The following HSF1 variants were observed in gnomAD, a reference collection of about 807,000 sequenced individuals.
HSF1 encodes heat shock transcription factor 1, also known as heat shock factor protein 1.
HSF1 carries 32 observed loss-of-function variants against 51.7 expected under a neutral mutation model. The ratio of observed to expected loss-of-function variants is 0.62; its 90% confidence interval spans 0.47 to 0.83. The LOEUF (loss-of-function observed/expected upper bound fraction) is 0.83. Among genes scored for constraint, HSF1 ranks in the 40% least tolerant of loss-of-function variants. HSF1 has a pLI of 0.00. For synonymous variants in HSF1, 396 were observed against 309.7 expected (o/e 1.28, Z -2.92); for missense variants, 727 against 717.0 (o/e 1.01, Z -0.16).
At chr8:144,306,882 C>T (rs868986720) in intron 1 of HSF1, among the ~76,000 whole-genome samples, 1 of 152,208 alleles carries the variant, frequency 6.6e-6, no homozygotes, top group Non-Finnish European at 1.5e-5. Context: ...TTCTTGAATG[C>T]CTGGGGCCAG....
Position 144,314,072 on chromosome 8 carries a change from G to A in HSF1, c.1384+18G>A, listed in dbSNP as rs782402361. Reference sequence around the variant, plus strand: ...GGATTCAGGTGAGCCAAGTCCCACCGGCCCCACCTCTGCCCCCAACCCCCC... The same window carrying A: ...GGATTCAGGTGAGCCAAGTCCCACCAGCCCCACCTCTGCCCCCAACCCCCC... On this transcript the variant is annotated intron_variant, in intron 12 of 12. Transcript: ENST00000528838. The A allele has an allele frequency of 9.3e-6, 14 of 1,510,434 alleles. No homozygotes were observed. The Admixed American group carries it at 1.9e-4, about 21-fold the overall frequency. The allele number at this position is 1,510,434 out of a possible 1,614,324, so 93.6% of individuals were successfully genotyped here. A position where few individuals can be genotyped will look rare whatever the true frequency, so the allele number is the denominator to read the frequency against.
chr8:144,311,413 C>T (rs782181258), intron 6 of HSF1, 31 bp downstream of exon 6: 7 of 1,613,074 alleles, frequency 4.3e-6, no homozygotes, highest in Middle Eastern at 1.7e-4. Context: ...GCATCCACCA[C>T]CCGGGGCCCA....
intron 1 of HSF1, among the ~76,000 whole-genome samples, chr8:144,296,525 G>A (rs989694767): frequency 2.0e-5 from 3 of 152,168 alleles, no homozygotes; most frequent in African/African-American, 7.2e-5. Context: ...GGGGCTGGTC[G>A]TGGTGGCTCA....
intron 1 of HSF1, among the ~76,000 whole-genome samples, chr8:144,304,032 T>A (rs1816061337): frequency 6.6e-6 from 1 of 152,222 alleles, no homozygotes; most frequent in Admixed American, 6.5e-5. Context: ...CCCTGGCTTC[T>A]TGGCCACGTG....
Position 144,314,486 on chromosome 8 carries a change from C to A in HSF1, c.*156C>A, listed in dbSNP as rs1474069525. The A allele has an allele frequency of 7.7e-6, 5 of 649,150 alleles. No individual in the cohort carries two copies. Among genetic ancestry groups the A allele is most frequent in the African/African-American group, 7.3e-5 (4 of 54,706 alleles). 40.2% of individuals were successfully genotyped at this position (649,150 alleles called of 1,614,324 possible). A position where few individuals can be genotyped will look rare whatever the true frequency, so the allele number is the denominator to read the frequency against. ...CTCGGGTCTGGGCAGCACCTCTGGTCAGGAGGGTCACCCTGGCCTGCCAGT... is the reference window on the plus strand; with the variant it reads ...CTCGGGTCTGGGCAGCACCTCTGGTAAGGAGGGTCACCCTGGCCTGCCAGT... On this transcript the variant is annotated 3_prime_UTR_variant, in exon 13 of 13. Coordinates refer to ENST00000528838, the MANE Select transcript of HSF1 (RefSeq NM_005526.4).
chr8:144,310,510 C>T (rs1223064571), intron 4 of HSF1: 1 of 155,822 alleles, frequency 6.4e-6, no homozygotes, highest in African/African-American at 2.4e-5. Flanking sequence ...GCAGCAGGCG[C>T]TCTTGACCCC....
At chr8:144,311,675 A>C in intron 7 of HSF1, 25 bp from the exon 8 acceptor site, 1 of 1,610,390 alleles carries the variant, frequency 6.2e-7, no homozygotes, top group Non-Finnish European at 8.5e-7. Context: ...CCGGCACTGC[A>C]TGGACCTCCT....
intron 9 of HSF1, 38 bp downstream of exon 9, chr8:144,312,282 T>C: frequency 8.5e-7 from 1 of 1,179,898 alleles, no homozygotes; most frequent in African/African-American, 1.7e-5. Flanking sequence ...CCACAGCGCC[T>C]GGACGCACAG....
In HSF1 at chr8:144,311,753, C is replaced by G; in HGVS notation, c.777C>G (p.Ala259=). Residue 259 remains alanine, a synonymous_variant, in exon 8 of 13, where the codon GCC becomes GCG. Transcript: ENST00000528838. Reference sequence around the variant, plus strand: ...GCCTCTACGCCCCTGATGCTGTGGCCAGCTCTGGACCCATCATCTCCGACA... The same window carrying G: ...GCCTCTACGCCCCTGATGCTGTGGCGAGCTCTGGACCCATCATCTCCGACA... ...SSSLYAPDAV[A]SSGPIISDIT... 1 of 1,612,846 alleles carries G rather than the reference C, an allele frequency of 6.2e-7. No individual in the cohort carries two copies. The highest frequency in any genetic ancestry group is 8.5e-7 in the Non-Finnish European group (1 of 1,179,722).
intron 1 of HSF1, among the ~76,000 whole-genome samples, chr8:144,303,690 C>T (rs1237427784): frequency 6.6e-6 from 1 of 152,112 alleles, no homozygotes; most frequent in African/African-American, 2.4e-5. Flanking sequence ...CCAGCCTGAC[C>T]AACCTGGTGA....
At chr8:144,303,602 G>T (rs1417274626) in intron 1 of HSF1, among the ~76,000 whole-genome samples, 2 of 152,186 alleles carry the variant, frequency 1.3e-5, no homozygotes, top group African/African-American at 4.8e-5. Context: ...TTAAGGCCAG[G>T]CACAGTGGCT....
chr8:144,295,293 G>C (rs1399006307), intron 1 of HSF1, among the ~76,000 whole-genome samples: 1 of 152,216 alleles, frequency 6.6e-6, no homozygotes, highest in Non-Finnish European at 1.5e-5. Context: ...CATCATCCCA[G>C]TTTTTTACAA....
At chr8:144,301,524 A>G (rs184043703) in intron 1 of HSF1, among the ~76,000 whole-genome samples, 5 of 152,370 alleles carry the variant, frequency 3.3e-5, no homozygotes, top group East Asian at 3.9e-4. Context: ...ATCAAGGTAC[A>G]TTATATAATC....
rs370903885 is a variant in HSF1, at chr8:144,311,475, G to A, written c.627-30G>A. 12 of 1,612,548 alleles carry A rather than the reference G, an allele frequency of 7.4e-6. No homozygotes were observed. In the African/African-American group the frequency reaches 1.5e-4, roughly 20 times the overall value. The stretch of plus-strand genomic sequence containing the variant: ...TGCCCCGGGTACCCCGAGGTGGGGG[G>A]TGGTGGCTGACCTGCACCCTTCCCC... On this transcript the variant is annotated intron_variant, in intron 6 of 12. Transcript: ENST00000528838.
At chr8:144,303,744 G>A (rs1443216516) in intron 1 of HSF1, among the ~76,000 whole-genome samples, 2 of 152,172 alleles carry the variant, frequency 1.3e-5, no homozygotes, top group Non-Finnish European at 2.9e-5. Flanking sequence ...CGGGCGTGGT[G>A]GCACATGCCT....
At chr8:144,312,788 C>A in intron 9 of HSF1, 1 of 1,333,816 alleles carries the variant, frequency 7.5e-7, no homozygotes, top group Non-Finnish European at 1.0e-6. Flanking sequence ...TGGACCAGAC[C>A]CAGCCTGGCC....
At chr8:144,305,327 G>C (rs923493746) in intron 1 of HSF1, among the ~76,000 whole-genome samples, 13 of 150,718 alleles carry the variant, frequency 8.6e-5, no homozygotes, top group South Asian at 6.3e-4. Flanking sequence ...TTGAGACAGA[G>C]TCTCTTTCTG....
intron 1 of HSF1, among the ~76,000 whole-genome samples, chr8:144,292,804 T>TA (rs1815186129): frequency 6.6e-6 from 1 of 151,954 alleles, no homozygotes; most frequent in South Asian, 2.1e-4. Flanking sequence ...CTACTAAAAA[T>TA]ACAAAAAATT....
At chr8:144,300,054 C>T (rs1340458123) in intron 1 of HSF1, among the ~76,000 whole-genome samples, 1 of 152,176 alleles carries the variant, frequency 6.6e-6, no homozygotes, top group Non-Finnish European at 1.5e-5. Context: ...TGCTTAACTC[C>T]TCACTCCAGA....
Sources: allele counts gnomAD v4.1 joint callset (sites outside exome capture counted in the v4.1 genomes callset), GRCh38; gene constraint gnomAD v4.1.1; transcripts MANE v1.5; gene names NCBI Gene and HGNC (gene_info 2026-07-23, HGNC 2026-07-21).